Variants in GRTP1 observed in about 807,000 individuals in gnomAD.
The protein encoded by GRTP1 is growth hormone-regulated TBC protein 1.
A neutral mutation model predicts 38.1 loss-of-function variants in GRTP1; 56 were observed. The ratio of observed to expected loss-of-function variants is 1.47; its 90% CI spans 1.19 to 1.84. The LOEUF (loss-of-function observed/expected upper bound fraction) is 1.84. Ranked by LOEUF, GRTP1 falls within the 40% of genes most tolerant of loss-of-function variation. GRTP1 has a pLI of 0.00. For synonymous variants in GRTP1, 217 were observed against 189.5 expected, an observed-to-expected ratio of 1.14 and a Z score of -1.19; for missense variants, 506 against 453.9, an observed-to-expected ratio of 1.11 and a Z score of -1.04.
intron 4 of GRTP1, among the ~76,000 whole-genome samples, chr13:113,346,070 GCGGCTGAGCAGACC>G (rs2043108497): frequency 5.5e-5 from 5 of 90,906 alleles, no homozygotes; most frequent in East Asian, 3.6e-4. Context: ...GAGGACCTCT[GCGGCTGAGCAGACC>G]TGGGAAGACA....
At chr13:113,331,348 G>A (rs2042868520) in intron 5 of GRTP1, among the ~76,000 whole-genome samples, 2 of 152,208 alleles carry the variant, frequency 1.3e-5, no homozygotes, top group African/African-American at 4.8e-5. Context: ...CTGCTACCAG[G>A]ATGGCCTTGC....
intron 4 of GRTP1, among the ~76,000 whole-genome samples, chr13:113,346,198 G>GGACCTCTGTGCCTGA (rs1566429536): frequency 3.5e-4 from 28 of 80,906 alleles, no homozygotes; most frequent in East Asian, 1.2e-3. Flanking sequence ...GTGGCTGAGA[G>GGACCTCTGTGCCTGA]CAGACCCGGG....
At chr13:113,357,811 G>A (rs1345379933) in intron 2 of GRTP1, among the ~76,000 whole-genome samples, 4 of 152,190 alleles carry the variant, frequency 2.6e-5, no homozygotes, top group African/African-American at 7.2e-5. Flanking sequence ...GAGAGGGACA[G>A]AAGCAGAAAG....
chr13:113,326,794 C>T (rs879723714), intron 5 of GRTP1, among the ~76,000 whole-genome samples: 2 of 152,174 alleles, frequency 1.3e-5, no homozygotes, highest in East Asian at 1.9e-4. Context: ...ACGTGTCCGT[C>T]GGCAGACAAG....
Position 113,344,905 on chromosome 13 carries a change from ATTC to A in GRTP1, c.517_519del (p.Glu173del), listed in dbSNP as rs779395600. 1.2e-6 allele frequency: 2 copies of A among 1,604,512 alleles called. No homozygotes were observed. Among genetic ancestry groups the A allele is most frequent in the East Asian group, 4.5e-5 (2 of 44,612 alleles). ...ACAAGAGCATCTAACAGCCAAAAAGATTCTTCTTCATTATTTGTTATAAGAATC... is the reference window on the plus strand; with the variant it reads ...ACAAGAGCATCTAACAGCCAAAAAGATTCTTCATTATTTGTTATAAGAATC... On this transcript the variant is annotated inframe_deletion, in exon 5 of 8. Coordinates refer to ENST00000375431, the MANE Select transcript of GRTP1 (RefSeq NM_024719.4).
At chr13:113,352,282 T>A (rs28490456) in intron 3 of GRTP1, among the ~76,000 whole-genome samples, 3 of 41,994 alleles carry the variant, frequency 7.1e-5, no homozygotes, top group East Asian at 4.5e-3. Context: ...TTATATATAT[T>A]TATATATATT....
At chr13:113,356,200 A>C (rs1219391052) in intron 2 of GRTP1, among the ~76,000 whole-genome samples, 1 of 152,158 alleles carries the variant, frequency 6.6e-6, no homozygotes, top group Non-Finnish European at 1.5e-5. Flanking sequence ...AAAACAGTTA[A>C]TTTTCAAAGC....
intron 2 of GRTP1, among the ~76,000 whole-genome samples, chr13:113,362,681 C>T (rs2043520384): frequency 6.6e-6 from 1 of 152,138 alleles, no homozygotes; most frequent in African/African-American, 2.4e-5. Flanking sequence ...AAACCTTTAA[C>T]AGTTGGCTTC....
At chr13:113,350,459 A>G (rs985737223) in intron 4 of GRTP1, among the ~76,000 whole-genome samples, 4 of 143,588 alleles carry the variant, frequency 2.8e-5, no homozygotes, top group African/African-American at 1.0e-4. Flanking sequence ...CAGCGCACGC[A>G]CCCACAGCAC....
At chr13:113,325,304 C>G in intron 7 of GRTP1, 2 of 1,345,968 alleles carry the variant, frequency 1.5e-6, no homozygotes, top group South Asian at 2.1e-5. Context: ...ACAGCTCCCA[C>G]AACGCCCTCA....
At chr13:113,330,086 TGGAAACCC>T (rs2042836791) in intron 5 of GRTP1, among the ~76,000 whole-genome samples, 1 of 142,910 alleles carries the variant, frequency 7.0e-6, no homozygotes, top group Non-Finnish European at 1.5e-5. Context: ...GGTGCGTGCA[TGGAAACCC>T]GGGTGTGTGC....
chr13:113,340,345 G>A (rs1223310722), intron 5 of GRTP1, among the ~76,000 whole-genome samples: 1 of 150,592 alleles, frequency 6.6e-6, no homozygotes, highest in East Asian at 2.0e-4. Flanking sequence ...TAGGCATGGT[G>A]GTGCCCACCT....
chr13:113,351,011 G>A, intron 3 of GRTP1, 38 bp from the exon 4 acceptor site: 1 of 1,610,846 alleles, frequency 6.2e-7, no homozygotes, highest in Non-Finnish European at 8.5e-7. Flanking sequence ...ACGGGTTTCT[G>A]TTCCACAAGC....
At chr13:113,331,648 CTTTT>C (rs59328510) in intron 5 of GRTP1, among the ~76,000 whole-genome samples, 2 of 92,990 alleles carry the variant, frequency 2.2e-5, no homozygotes, top group South Asian at 4.2e-4. Context: ...GTTTGGTTTA[CTTTT>C]TTTTTTTTTT....
At position 113,354,599 on chromosome 13, in the gene GRTP1, A is replaced by C. The variant is rs148089026; in HGVS notation, c.340+724T>G. Among the ~76,000 whole-genome samples, 1,282 of 151,156 alleles carry C rather than the reference A, an allele frequency of 8.5e-3. 18 individuals carry two copies. The highest frequency in any genetic ancestry group is 0.03 in the African/African-American group (1,243 of 41,154). ...GCTGGAGTGCGGTGGTGCAATCCCA[A>C]CTCACCGCAACCTCCACCTCCCGGG... On this transcript the variant is annotated intron_variant, in intron 3 of 7. Coordinates refer to ENST00000375431, the MANE Select transcript of GRTP1 (RefSeq NM_024719.4).
intron 4 of GRTP1, among the ~76,000 whole-genome samples, chr13:113,345,563 C>T (rs1324469437): frequency 6.6e-6 from 1 of 152,254 alleles, no homozygotes; most frequent in African/African-American, 2.4e-5. Flanking sequence ...GACTGAAATT[C>T]TCTTCTTTGT....
chr13:113,345,509 G>C (rs971720510), intron 4 of GRTP1, among the ~76,000 whole-genome samples: 1 of 152,250 alleles, frequency 6.6e-6, no homozygotes, highest in African/African-American at 2.4e-5. Flanking sequence ...TGGGGGCTTC[G>C]CAGCCGTGAG....
At chr13:113,354,224 G>A (rs890617783) in intron 3 of GRTP1, among the ~76,000 whole-genome samples, 1 of 152,172 alleles carries the variant, frequency 6.6e-6, no homozygotes, top group Non-Finnish European at 1.5e-5. Flanking sequence ...CCGCCAGGCT[G>A]TGCACTGGAG....
intron 5 of GRTP1, 80 bp from the exon 6 acceptor site, chr13:113,326,171 G>A: frequency 1.3e-6 from 2 of 1,549,634 alleles, no homozygotes; most frequent in South Asian, 1.2e-5. Flanking sequence ...GCCAGACAAA[G>A]ACAACAGGGC....
Sources: gnomAD v4.1 joint callset for allele counts (sites outside exome capture counted in the v4.1 genomes callset) on GRCh38, gnomAD v4.1.1 for gene constraint, MANE v1.5 for transcripts, NCBI Gene and HGNC (gene_info 2026-07-23, HGNC 2026-07-21) for gene names.